NCKAP5: variants seen among roughly 807,000 people sequenced by gnomAD.
NCKAP5 encodes the protein NCK associated protein 5.
A neutral mutation model predicts 167.0 loss-of-function variants in NCKAP5; 92 were observed. The ratio of observed to expected loss-of-function variants is 0.55; its 90% CI spans 0.47 to 0.66. NCKAP5 has a LOEUF of 0.66. Ranked by LOEUF, NCKAP5 falls within the 30% of genes least tolerant of loss-of-function variation. The pLI is 0.00. For missense variants in NCKAP5, 2,378 were observed against 2,315.0 expected, an observed-to-expected ratio of 1.03 and a Z score of -0.56; for synonymous variants, 891 against 877.4, an observed-to-expected ratio of 1.02 and a Z score of -0.27.
chr2:133,435,534 T>G (rs1263838662), intron 3 of NCKAP5, among the ~76,000 whole-genome samples: 1 of 152,120 alleles, frequency 6.6e-6, no homozygotes, highest in Non-Finnish European at 1.5e-5. Context: ...ACTCTAGGTA[T>G]GGCATCATCA....
Position 133,129,958 on chromosome 2 carries a change from T to A in NCKAP5, c.341+20A>T. 6.3e-7 allele frequency: 1 copy of A among 1,577,356 alleles called. No individual in the cohort carries two copies. The highest frequency in any genetic ancestry group is 8.6e-7 in the Non-Finnish European group (1 of 1,165,198). Reference sequence around the variant, plus strand: ...GAGAGATGCACCTCAGGAAGCAATCTGCTCAGCTAAGAACAATACCTGGAG... The same window carrying A: ...GAGAGATGCACCTCAGGAAGCAATCAGCTCAGCTAAGAACAATACCTGGAG... On this transcript the variant is annotated intron_variant, in intron 6 of 19. Transcript: ENST00000409261.
chr2:132,992,025 T>C (rs1182712990), intron 7 of NCKAP5, among the ~76,000 whole-genome samples: 1 of 152,226 alleles, frequency 6.6e-6, no homozygotes, highest in Non-Finnish European at 1.5e-5. Context: ...GTTTCTTGAA[T>C]GCCCAGGGCA....
chr2:132,771,850 T>A (rs1326085562), intron 16 of NCKAP5, among the ~76,000 whole-genome samples: 1 of 144,616 alleles, frequency 6.9e-6, no homozygotes, highest in Middle Eastern at 3.5e-3. Context: ...TTTTTTTTTT[T>A]TTTTTTTTTT....
At chr2:133,139,040 C>G (rs568914905) in intron 5 of NCKAP5, among the ~76,000 whole-genome samples, 37 of 152,290 alleles carry the variant, frequency 2.4e-4, no homozygotes, top group South Asian at 1.5e-3. Flanking sequence ...CCAGTAAAGG[C>G]ATTGGCTCAT....
At chr2:133,036,830 A>G (rs1299993272) in intron 6 of NCKAP5, among the ~76,000 whole-genome samples, 2 of 152,054 alleles carry the variant, frequency 1.3e-5, no homozygotes, top group Non-Finnish European at 2.9e-5. Context: ...GCAATCAGAC[A>G]AGAGAAAAAC....
At chr2:133,140,996 A>G (rs2082975497) in intron 5 of NCKAP5, among the ~76,000 whole-genome samples, 1 of 152,094 alleles carries the variant, frequency 6.6e-6, no homozygotes, top group South Asian at 2.1e-4. Context: ...AATGTTCAAT[A>G]CATACTTGTT....
intron 10 of NCKAP5, among the ~76,000 whole-genome samples, chr2:132,867,300 T>C (rs1293154742): frequency 6.6e-6 from 1 of 152,138 alleles, no homozygotes; most frequent in Non-Finnish European, 1.5e-5. Flanking sequence ...TAAGTCAGCA[T>C]AGAGTTTCAA....
intron 8 of NCKAP5, among the ~76,000 whole-genome samples, chr2:132,961,842 A>G (rs2076519769): frequency 6.6e-6 from 1 of 152,260 alleles, no homozygotes; most frequent in Non-Finnish European, 1.5e-5. Flanking sequence ...CTCTGGGAGT[A>G]AGAAATGATA....
intron 6 of NCKAP5, among the ~76,000 whole-genome samples, chr2:133,042,920 T>C (rs2079263089): frequency 6.6e-6 from 1 of 152,194 alleles, no homozygotes; most frequent in South Asian, 2.1e-4. Context: ...GATTATCAAA[T>C]ATGTCAAAAA....
chr2:133,190,741 C>T (rs2085178972), intron 5 of NCKAP5, among the ~76,000 whole-genome samples: 1 of 152,208 alleles, frequency 6.6e-6, no homozygotes, highest in Admixed American at 6.5e-5. Context: ...AAACTGGATC[C>T]CTTCCTTACA....
intron 17 of NCKAP5, among the ~76,000 whole-genome samples, chr2:132,730,867 G>C (rs745403311): frequency 6.6e-6 from 1 of 152,166 alleles, no homozygotes; most frequent in South Asian, 2.1e-4. Context: ...GTGGCAATGG[G>C]TATTCCTATA....
intron 3 of NCKAP5, among the ~76,000 whole-genome samples, chr2:133,397,648 G>A (rs1000034555): frequency 2.6e-5 from 4 of 152,182 alleles, no homozygotes; most frequent in African/African-American, 9.7e-5. Flanking sequence ...GTACTATTAA[G>A]CAGGTTGTAG....
At chr2:133,192,242 A>G (rs1316104127) in intron 5 of NCKAP5, among the ~76,000 whole-genome samples, 1 of 152,136 alleles carries the variant, frequency 6.6e-6, no homozygotes, top group East Asian at 1.9e-4. Flanking sequence ...ATCTATAGGC[A>G]ACAAAAAGAA....
intron 3 of NCKAP5, among the ~76,000 whole-genome samples, chr2:133,306,725 A>G (rs1680805258): frequency 6.6e-6 from 1 of 152,226 alleles, no homozygotes; most frequent in African/African-American, 2.4e-5. Flanking sequence ...GACTCTCCCT[A>G]CCATGAAATG....
At chr2:133,557,733 T>C (rs918897979) in intron 2 of NCKAP5, among the ~76,000 whole-genome samples, 2 of 152,234 alleles carry the variant, frequency 1.3e-5, no homozygotes, top group Non-Finnish European at 2.9e-5. Flanking sequence ...TCAAGGGTGA[T>C]CCTTTAACAT....
At chr2:132,735,792 C>T (rs1161237519) in intron 16 of NCKAP5, among the ~76,000 whole-genome samples, 1 of 152,192 alleles carries the variant, frequency 6.6e-6, no homozygotes, top group Non-Finnish European at 1.5e-5. Context: ...AAAGCTCATA[C>T]ACGTTTGTCT....
At chr2:132,937,423 G>A (rs55721729) in intron 8 of NCKAP5, among the ~76,000 whole-genome samples, 467 of 152,242 alleles carry the variant, frequency 3.1e-3, no homozygotes, top group Non-Finnish European at 5.4e-3. Flanking sequence ...ATACATTGTT[G>A]GCCAGCACTT....
chr2:133,067,711 C>T (rs369478178), intron 6 of NCKAP5, among the ~76,000 whole-genome samples: 44 of 152,262 alleles, frequency 2.9e-4, no homozygotes, highest in African/African-American at 1.0e-3. Flanking sequence ...GTTGCAAGGA[C>T]CTGAGAAGGC....
chr2:133,591,438 G>A, the NCKAP5 span, among the ~76,000 whole-genome samples: 1 of 152,190 alleles, frequency 6.6e-6, no homozygotes, highest in Non-Finnish European at 1.5e-5. Context: ...CCACTGCATT[G>A]GAAACACAGA....
Sources: allele counts gnomAD v4.1 joint callset (sites outside exome capture counted in the v4.1 genomes callset), GRCh38; gene constraint gnomAD v4.1.1; transcripts MANE v1.5; gene names NCBI Gene and HGNC (gene_info 2026-07-23, HGNC 2026-07-21).